Variants in ANO10 observed in about 807,000 individuals in gnomAD.
ANO10 encodes anoctamin 10.
ANO10 carries 77 observed loss-of-function variants against 74.7 expected under a neutral mutation model. The observed-to-expected ratio is 1.03, with a 90% CI of 0.86 to 1.25. ANO10 has a LOEUF of 1.25. Ranked by LOEUF, ANO10 falls within the 50% of genes most tolerant of loss-of-function variation. The pLI is 0.00. For missense variants in ANO10, 721 were observed against 778.1 expected (o/e 0.93, Z 0.87); for synonymous variants, 279 against 284.9 (o/e 0.98, Z 0.21).
intron 4 of ANO10, among the ~76,000 whole-genome samples, chr3:43,587,444 G>A (rs2081530468): frequency 6.6e-6 from 1 of 152,108 alleles, no homozygotes; most frequent in African/African-American, 2.4e-5. Context: ...ACACCAATGA[G>A]GACTCATCAC....
intron 1 of ANO10, among the ~76,000 whole-genome samples, chr3:43,661,098 A>G (rs939654811): frequency 3.3e-5 from 5 of 152,214 alleles, no homozygotes; most frequent in Admixed American, 6.5e-5. Flanking sequence ...AAGAAACATA[A>G]TTGTCAGATT....
At chr3:43,422,942 T>C (rs2092841399) in intron 12 of ANO10, among the ~76,000 whole-genome samples, 1 of 152,182 alleles carries the variant, frequency 6.6e-6, no homozygotes, top group Non-Finnish European at 1.5e-5. Flanking sequence ...GGAAAAAGTC[T>C]ACCCATCAGT....
intron 12 of ANO10, among the ~76,000 whole-genome samples, chr3:43,396,417 C>T (rs2092382655): frequency 6.6e-6 from 1 of 152,088 alleles, no homozygotes; most frequent in South Asian, 2.1e-4. Flanking sequence ...TGGCTCACTG[C>T]AACCTCCGCC....
intron 1 of ANO10, among the ~76,000 whole-genome samples, chr3:43,621,391 G>T (rs139366268): frequency 6.6e-6 from 1 of 152,120 alleles, no homozygotes; most frequent in Non-Finnish European, 1.5e-5. Context: ...TATCCTGCAA[G>T]CCCGCTCCGG....
chr3:43,489,416 T>C (rs909374408), intron 11 of ANO10, among the ~76,000 whole-genome samples: 4 of 152,312 alleles, frequency 2.6e-5, no homozygotes, highest in Admixed American at 6.5e-5. Context: ...TATAAGCTTC[T>C]GTACCTTACT....
Position 43,600,442 on chromosome 3 carries a change from A to G in ANO10, c.279T>C (p.Asn93=), listed in dbSNP as rs773011778. The stretch of plus-strand genomic sequence containing the variant: ...ATGTGAAGGCTCTCATGGTGTTATC[A>G]TTGCACTCTTTTACCAATCCCACTG... ...AEAVGLVKEC[N]DNTMRAFTYR... is the part of the protein sequence containing the mutation. Residue 93 remains asparagine (N), a synonymous_variant, in exon 3 of 13, where the codon AAT becomes AAC. Transcript: ENST00000292246. 2.5e-6 allele frequency: 4 copies of G among 1,614,138 alleles called. No homozygotes were observed. The highest frequency in any genetic ancestry group is 3.4e-6 in the Non-Finnish European group (4 of 1,180,008).
chr3:43,521,160 C>T (rs979981318), intron 11 of ANO10, among the ~76,000 whole-genome samples: 2 of 152,142 alleles, frequency 1.3e-5, no homozygotes, highest in African/African-American at 2.4e-5. Context: ...CTTCCCTTGG[C>T]TAGAACTTCC....
intron 4 of ANO10, among the ~76,000 whole-genome samples, chr3:43,586,105 G>C (rs1575487074): frequency 1.3e-5 from 2 of 152,286 alleles, no homozygotes; most frequent in East Asian, 3.9e-4. Context: ...CCTGGAACTG[G>C]GGATGGTAAA....
At chr3:43,605,591 T>G in intron 2 of ANO10, 123 bp downstream of exon 2, 3 of 1,322,976 alleles carry the variant, frequency 2.3e-6, no homozygotes, top group Non-Finnish European at 3.2e-6. Flanking sequence ...AAATAAAATA[T>G]ATCAACGAAA....
At chr3:43,470,226 G>C (rs995664518) in intron 11 of ANO10, among the ~76,000 whole-genome samples, 22 of 152,274 alleles carry the variant, frequency 1.4e-4, no homozygotes, top group African/African-American at 5.3e-4. Context: ...AAAAGGAGCA[G>C]GTCTGAAAAG....
rs753638814 is a variant in ANO10, at chr3:43,605,841, G to A, written c.12C>T (p.Thr4=). ...TCTCAGAAGTATCCAAAGCTGATAA[G>A]GTCACTTTCATCTTTGACAAATCTG... is the stretch of plus-strand genomic sequence containing the variant. MKV[T]LSALDTSESS... is the part of the protein sequence containing the mutation. Residue 4 remains threonine (T), a synonymous_variant, in exon 2 of 13, where the codon ACC becomes ACT. Transcript: ENST00000292246. 5 of 1,613,468 alleles carry A rather than the reference G, an allele frequency of 3.1e-6. No individual in the cohort carries two copies. The highest frequency in any genetic ancestry group is 2.2e-5 in the East Asian group (1 of 44,870).
At chr3:43,461,062 G>A (rs145254845) in intron 11 of ANO10, among the ~76,000 whole-genome samples, 17 of 150,758 alleles carry the variant, frequency 1.1e-4, no homozygotes, top group African/African-American at 3.4e-4. Flanking sequence ...GAAATCAATC[G>A]ATAGAAGAAA....
At chr3:43,526,550 C>A (rs1305063512) in intron 11 of ANO10, among the ~76,000 whole-genome samples, 13 of 152,208 alleles carry the variant, frequency 8.5e-5, no homozygotes, top group Non-Finnish European at 2.9e-5. Flanking sequence ...ATAACATATA[C>A]AGAATTTAAA....
intron 1 of ANO10, among the ~76,000 whole-genome samples, chr3:43,606,725 A>G (rs2082583963): frequency 6.6e-6 from 1 of 152,148 alleles, no homozygotes; most frequent in South Asian, 2.1e-4. Flanking sequence ...AACTCTCTAC[A>G]GTACCCATCT....
At chr3:43,553,286 G>T (rs1199692364) in intron 10 of ANO10, among the ~76,000 whole-genome samples, 1 of 152,128 alleles carries the variant, frequency 6.6e-6, no homozygotes, top group Non-Finnish European at 1.5e-5. Flanking sequence ...TGTTGGCAAG[G>T]ATTTCTTTGG....
intron 11 of ANO10, among the ~76,000 whole-genome samples, chr3:43,455,279 T>A (rs945932768): frequency 1.3e-5 from 2 of 152,132 alleles, no homozygotes; most frequent in South Asian, 4.2e-4. Context: ...GAAATACACA[T>A]GCATGCCAAG....
chr3:43,516,868 G>A (rs2077733975), intron 11 of ANO10, among the ~76,000 whole-genome samples: 1 of 152,150 alleles, frequency 6.6e-6, no homozygotes, highest in Non-Finnish European at 1.5e-5. Flanking sequence ...AAACAGAGTA[G>A]GAAGGAAGCA....
chr3:43,420,390 T>C (rs778717669), intron 12 of ANO10, among the ~76,000 whole-genome samples: 13 of 152,036 alleles, frequency 8.6e-5, no homozygotes, highest in Non-Finnish European at 1.9e-4. Flanking sequence ...AGGTTGCAGG[T>C]TGCAGTGAGC....
Position 43,400,667 on chromosome 3 carries a change from C to G in ANO10, c.1914+31944G>C, listed in dbSNP as rs1229715614. 8.5e-5 allele frequency among the ~76,000 whole-genome samples: 13 copies of G among 152,148 alleles called. 1 individual carries two copies. The highest frequency in any genetic ancestry group is 8.5e-4 in the Admixed American group (13 of 15,268). ...TGGTGGCGCACACCTGTATTTCCAACTACTTGGGAAGCTGAGGTGGGAGGA... is the reference window on the plus strand; with the variant it reads ...TGGTGGCGCACACCTGTATTTCCAAGTACTTGGGAAGCTGAGGTGGGAGGA... On this transcript the variant is annotated intron_variant, in intron 12 of 12. Transcript: ENST00000292246.
Sources: gnomAD v4.1 joint callset for allele counts (sites outside exome capture counted in the v4.1 genomes callset) on GRCh38, gnomAD v4.1.1 for gene constraint, MANE v1.5 for transcripts, NCBI Gene and HGNC (gene_info 2026-07-23, HGNC 2026-07-21) for gene names.